Variants in DSCAM observed in about 807,000 individuals in gnomAD.
The protein encoded by DSCAM is cell adhesion molecule DSCAM.
DSCAM carries 47 observed loss-of-function variants against 217.7 expected under a neutral mutation model. The ratio of observed to expected loss-of-function variants is 0.22; its 90% CI spans 0.17 to 0.28. DSCAM has a LOEUF of 0.28. Among genes scored for constraint, DSCAM ranks in the 10% least tolerant of loss-of-function variants. The pLI is 1.00. For synonymous variants in DSCAM, 1,056 were observed against 1,015.3 expected (o/e 1.04, Z -0.76); for missense variants, 2,080 against 2,618.3 (o/e 0.79, Z 4.49).
intron 2 of DSCAM, among the ~76,000 whole-genome samples, chr21:40,696,956 A>C (rs1429029092): frequency 2.6e-5 from 4 of 152,156 alleles, no homozygotes; most frequent in African/African-American, 4.8e-5. Flanking sequence ...ATATACAATA[A>C]ATTATTAACT....
At chr21:40,151,250 T>C (rs1401077691) in intron 16 of DSCAM, among the ~76,000 whole-genome samples, 1 of 152,116 alleles carries the variant, frequency 6.6e-6, no homozygotes, top group Non-Finnish European at 1.5e-5. Context: ...CCTTCTTCTT[T>C]CAAAGAATAC....
At chr21:40,313,120 TA>T (rs531764117) in intron 8 of DSCAM, among the ~76,000 whole-genome samples, 154 of 135,140 alleles carry the variant, frequency 1.1e-3, no homozygotes, top group East Asian at 1.9e-3. Context: ...TCTAAAAAAC[TA>T]AAAAAAAAAA....
chr21:40,700,981 C>A (rs1337797757), intron 2 of DSCAM, among the ~76,000 whole-genome samples: 1 of 152,116 alleles, frequency 6.6e-6, no homozygotes, highest in Non-Finnish European at 1.5e-5. Flanking sequence ...AAGTGATTCT[C>A]CTGCCTTGGT....
In DSCAM at chr21:40,342,600, GTATGTGTATA is replaced by G. The variant is rs745686673; in HGVS notation, c.1211-3195_1211-3186del. 4.8e-4 allele frequency among the ~76,000 whole-genome samples: 64 copies of G among 134,574 alleles called. 1 individual carries two copies. Among genetic ancestry groups the G allele is most frequent in the Non-Finnish European group, 9.0e-4 (58 of 64,574 alleles). 88.3% of individuals were successfully genotyped at this position (134,574 alleles called of 152,430 possible). Reference sequence around the variant, plus strand: ...TTAATTTGTTGAAAAGGTACATATAGTATGTGTATATGTGTGTGTGTGTGTGTATATATAT... The same window carrying G: ...TTAATTTGTTGAAAAGGTACATATAGTGTGTGTGTGTGTGTGTATATATAT... On this transcript the variant is annotated intron_variant, in intron 6 of 32. Transcript: ENST00000400454.
chr21:40,055,495 G>A (rs1307474557), intron 29 of DSCAM, among the ~76,000 whole-genome samples: 1 of 152,142 alleles, frequency 6.6e-6, no homozygotes, highest in Admixed American at 6.5e-5. Context: ...CCAAATGCCT[G>A]GAACTGACTG....
At chr21:40,517,353 T>C (rs1399203400) in intron 3 of DSCAM, among the ~76,000 whole-genome samples, 1 of 150,692 alleles carries the variant, frequency 6.6e-6, no homozygotes, top group Non-Finnish European at 1.5e-5. Flanking sequence ...TACATATATA[T>C]ATACACACAC....
Position 40,635,872 on chromosome 21 carries a change from C to T in DSCAM, c.508+56938G>A, listed in dbSNP as rs112546957. On this transcript the variant is annotated intron_variant, in intron 3 of 32. Transcript: ENST00000400454. ...AAAGAATTAATCTAAATATGTGTTG[C>T]TGACTCAAATAGAGAAGAGTAGGAA... Among the ~76,000 whole-genome samples the T allele has an allele frequency of 2.6e-4, 39 of 152,208 alleles. 1 individual carries two copies. The highest frequency in any genetic ancestry group is 3.4e-3 in the Middle Eastern group (1 of 294).
chr21:40,236,296 T>C (rs2073076699), intron 11 of DSCAM, among the ~76,000 whole-genome samples: 1 of 152,154 alleles, frequency 6.6e-6, no homozygotes, highest in African/African-American at 2.4e-5. Flanking sequence ...TAAGTCAAAA[T>C]ATGCTTCTCA....
At chr21:40,296,352 T>G (rs2073954019) in intron 9 of DSCAM, among the ~76,000 whole-genome samples, 178 bp from the exon 10 acceptor site, 1 of 152,208 alleles carries the variant, frequency 6.6e-6, no homozygotes, top group Admixed American at 6.5e-5. Context: ...ATTTCAGTGC[T>G]GAAAAATTTT....
chr21:40,285,972 T>C (rs76138829), intron 10 of DSCAM, among the ~76,000 whole-genome samples: 2,034 of 152,072 alleles, frequency 0.013, 58 homozygotes, highest in African/African-American at 0.047. Context: ...ATGAAGGACA[T>C]GGAAGAGGTC....
At chr21:40,769,256 G>A (rs2091423802) in intron 1 of DSCAM, among the ~76,000 whole-genome samples, 1 of 152,220 alleles carries the variant, frequency 6.6e-6, no homozygotes, top group Admixed American at 6.5e-5. Flanking sequence ...TTGGTCCTGA[G>A]CCAAGTATTC....
intron 3 of DSCAM, among the ~76,000 whole-genome samples, chr21:40,547,419 GT>G (rs1300428032): frequency 6.6e-6 from 1 of 152,152 alleles, no homozygotes; most frequent in Non-Finnish European, 1.5e-5. Context: ...GCCAAACACA[GT>G]CGTCTCCTTT....
intron 3 of DSCAM, among the ~76,000 whole-genome samples, chr21:40,490,921 A>G (rs2076071418): frequency 6.6e-6 from 1 of 152,172 alleles, no homozygotes; most frequent in Non-Finnish European, 1.5e-5. Flanking sequence ...ATTAATTAAA[A>G]CAGATTTAAG....
At chr21:40,317,197 T>C (rs994410804) in intron 8 of DSCAM, among the ~76,000 whole-genome samples, 5 of 152,242 alleles carry the variant, frequency 3.3e-5, no homozygotes, top group African/African-American at 9.6e-5. Context: ...GTCCGGGGTA[T>C]ACCTTCAAGA....
chr21:40,193,359 A>G (rs909652163), intron 11 of DSCAM, among the ~76,000 whole-genome samples: 47 of 152,248 alleles, frequency 3.1e-4, no homozygotes, highest in African/African-American at 1.1e-3. Context: ...CTCATACGGG[A>G]AAGAGGCTAA....
At chr21:40,474,869 G>A (rs1381790067) in intron 3 of DSCAM, among the ~76,000 whole-genome samples, 1 of 152,120 alleles carries the variant, frequency 6.6e-6, no homozygotes, top group Non-Finnish European at 1.5e-5. Context: ...CGAGAACTGC[G>A]AGGGAGCCCT....
intron 3 of DSCAM, among the ~76,000 whole-genome samples, chr21:40,544,750 A>C (rs1018194696): frequency 1.5e-4 from 23 of 152,270 alleles, no homozygotes; most frequent in African/African-American, 5.3e-4. Flanking sequence ...CAACCCTAGG[A>C]AATGTACTTT....
At chr21:40,795,259 A>G (rs1182632765) in intron 1 of DSCAM, among the ~76,000 whole-genome samples, 1 of 152,144 alleles carries the variant, frequency 6.6e-6, no homozygotes, top group African/African-American at 2.4e-5. Context: ...CATCTATCCC[A>G]TTCACTACAC....
intron 3 of DSCAM, among the ~76,000 whole-genome samples, chr21:40,554,196 G>GTTTTT (rs113016250): frequency 2.3e-5 from 3 of 132,598 alleles, no homozygotes; most frequent in East Asian, 4.4e-4. Context: ...TTGATTGTTA[G>GTTTTT]TTTTTTTTTT....
Sources: gnomAD v4.1 joint callset for allele counts (sites outside exome capture counted in the v4.1 genomes callset) on GRCh38, gnomAD v4.1.1 for gene constraint, MANE v1.5 for transcripts, NCBI Gene and HGNC (gene_info 2026-07-23, HGNC 2026-07-21) for gene names.